THSD7A: variants seen among roughly 807,000 people sequenced by gnomAD.
The protein encoded by THSD7A is thrombospondin type 1 domain containing 7A.
THSD7A carries 96 observed loss-of-function variants against 231.3 expected under a neutral mutation model. The ratio of observed to expected loss-of-function variants is 0.41; its 90% confidence interval spans 0.35 to 0.49. The LOEUF is 0.49. Among genes scored for constraint, THSD7A ranks in the 20% least tolerant of loss-of-function variants. The pLI is 0.05. For synonymous variants in THSD7A, 940 were observed against 743.3 expected (o/e 1.26, Z -4.30); for missense variants, 2,290 against 2,070.2 (o/e 1.11, Z -2.06).
At chr7:11,407,668 G>C (rs1583684224) in intron 19 of THSD7A, among the ~76,000 whole-genome samples, 1 of 152,122 alleles carries the variant, frequency 6.6e-6, no homozygotes, top group South Asian at 2.1e-4. Flanking sequence ...TTGTTTAAGT[G>C]TTTTCAATAA....
At chr7:11,579,693 T>C (rs1379874417) in intron 4 of THSD7A, among the ~76,000 whole-genome samples, 2 of 152,168 alleles carry the variant, frequency 1.3e-5, no homozygotes, top group Non-Finnish European at 2.9e-5. Flanking sequence ...TCTAAAGATT[T>C]AGAGCTCAGG....
intron 1 of THSD7A, among the ~76,000 whole-genome samples, chr7:11,800,843 T>A (rs920401257): frequency 1.3e-5 from 2 of 152,170 alleles, no homozygotes; most frequent in African/African-American, 2.4e-5. Flanking sequence ...TGCAGTGTTG[T>A]GCACGTTAAT....
chr7:11,402,882 T>C (rs1783454309), intron 22 of THSD7A, among the ~76,000 whole-genome samples: 1 of 152,022 alleles, frequency 6.6e-6, no homozygotes, highest in East Asian at 1.9e-4. Flanking sequence ...ATGTGGGGAG[T>C]TGTAAATTTT....
intron 13 of THSD7A, among the ~76,000 whole-genome samples, chr7:11,435,292 G>A (rs759899538): frequency 9.2e-5 from 14 of 152,038 alleles, no homozygotes; most frequent in Admixed American, 7.9e-4. Context: ...TAGGTCTCTC[G>A]GCCCTGAAAT....
At chr7:11,495,382 A>G (rs1008104142) in intron 6 of THSD7A, among the ~76,000 whole-genome samples, 10 of 152,066 alleles carry the variant, frequency 6.6e-5, no homozygotes, top group East Asian at 1.9e-4. Flanking sequence ...TATGATGGAT[A>G]AGCAAATAAA....
intron 1 of THSD7A, among the ~76,000 whole-genome samples, chr7:11,705,463 A>G (rs1780734295): frequency 6.6e-6 from 1 of 150,884 alleles, no homozygotes; most frequent in South Asian, 2.1e-4. Context: ...TGGGTGTCAG[A>G]GTGATTCTAG....
chr7:11,627,826 A>G (rs1430976438), intron 2 of THSD7A, among the ~76,000 whole-genome samples: 2 of 152,136 alleles, frequency 1.3e-5, no homozygotes, highest in Admixed American at 6.6e-5. Context: ...ATTTTGAAAT[A>G]AATATAAATA....
rs1003276038 is a variant in THSD7A, at chr7:11,814,845, A to G, written c.190+16912T>C. Among the ~76,000 whole-genome samples, 1 of 152,118 alleles carries G rather than the reference A, an allele frequency of 6.6e-6. No homozygotes were observed. Among genetic ancestry groups the G allele is most frequent in the Non-Finnish European group, 1.5e-5 (1 of 68,018 alleles). ...GCAAACTCTCAAAAGAAGCTGTTTGATAAGAGTGATTGGATCTTCTGATCT... is the reference window on the plus strand; with the variant it reads ...GCAAACTCTCAAAAGAAGCTGTTTGGTAAGAGTGATTGGATCTTCTGATCT... On this transcript the variant is annotated intron_variant, in intron 1 of 27. Coordinates refer to ENST00000423059, the MANE Select transcript of THSD7A (RefSeq NM_015204.3). This position sits in a 1 kb window ranked among gnomAD's most constrained non-coding sequence, Gnocchi z 5.1.
intron 6 of THSD7A, among the ~76,000 whole-genome samples, chr7:11,540,804 G>T (rs902202699): frequency 2.6e-5 from 4 of 152,142 alleles, no homozygotes; most frequent in African/African-American, 9.7e-5. Flanking sequence ...AAAGTCCAAG[G>T]TAATTCCTGA....
chr7:11,702,242 G>C (rs1780627470), intron 1 of THSD7A, among the ~76,000 whole-genome samples: 1 of 151,118 alleles, frequency 6.6e-6, no homozygotes, highest in Admixed American at 6.6e-5. Flanking sequence ...CTCTGCTCAG[G>C]GTGTCACAGG....
chr7:11,659,402 G>T (rs1397145144), intron 1 of THSD7A, among the ~76,000 whole-genome samples: 1 of 151,416 alleles, frequency 6.6e-6, no homozygotes, highest in African/African-American at 2.4e-5. Context: ...AATCTTGTTA[G>T]CATGACCTAT....
Position 11,462,119 on chromosome 7 carries a change from G to T in THSD7A, c.2393C>A (p.Ser798Tyr). ...CAGCTGAATGATGACCCGATGCCTA[G>T]ACTGCTTCCTGATACTGGAGTCCCC... ...KEGDSSIRKQ[S>Y]RHRVIIQLPA... The change falls in exon 10 of 28, where the codon TCT becomes TAT. Residue 798 changes from serine to tyrosine, a missense_variant. Transcript: ENST00000423059. 1 of 1,613,734 alleles carries T rather than the reference G, an allele frequency of 6.2e-7. No homozygotes were observed. The highest frequency in any genetic ancestry group is 1.1e-5 in the South Asian group (1 of 91,072).
chr7:11,574,315 T>C (rs1427814225), intron 4 of THSD7A, among the ~76,000 whole-genome samples: 2 of 152,234 alleles, frequency 1.3e-5, no homozygotes, highest in East Asian at 3.8e-4. Flanking sequence ...GTGTTTGTGC[T>C]GTTCATTTCT....
Position 11,407,443 on chromosome 7 carries a change from T to C in THSD7A, c.3799-20A>G. 6.3e-7 allele frequency: 1 copy of C among 1,579,248 alleles called. No homozygotes were observed. The highest frequency in any genetic ancestry group is 8.7e-7 in the Non-Finnish European group (1 of 1,152,774). ...GCCAAGCTGGAAGAACAGAGGTAGATCAGGATGTATATTGTAAATTGGGGG... is the reference window on the plus strand; with the variant it reads ...GCCAAGCTGGAAGAACAGAGGTAGACCAGGATGTATATTGTAAATTGGGGG... On this transcript the variant is annotated intron_variant, in intron 19 of 27. Transcript: ENST00000423059.
rs376115879 is a variant in THSD7A, at chr7:11,789,661, T to C, written c.190+42096A>G. Among the ~76,000 whole-genome samples, 74 of 152,158 alleles carry C rather than the reference T, an allele frequency of 4.9e-4. 1 individual carries two copies. In the South Asian group the frequency reaches 0.015, roughly 30 times the overall value. On this transcript the variant is annotated intron_variant, in intron 1 of 27. Transcript: ENST00000423059. ...TATATTGTTAACTATAGACATGTTA[T>C]ATAGCAGATCTATAGAACTTACTCA...
rs909856171 is a variant in THSD7A, at chr7:11,758,562, G to A, written c.190+73195C>T. Among the ~76,000 whole-genome samples the A allele has an allele frequency of 2.6e-5, 4 of 151,982 alleles. No individual in the cohort carries two copies. In the South Asian group the frequency reaches 8.3e-4, roughly 31 times the overall value. ...AAACCCCAAAGCAGCTCAAAATGGG[G>A]AGTAAAATTAAGGACTTCTATAGGA... On this transcript the variant is annotated intron_variant, in intron 1 of 27. Transcript: ENST00000423059.
At chr7:11,427,147 G>A (rs1199872880) in intron 14 of THSD7A, among the ~76,000 whole-genome samples, 1 of 152,118 alleles carries the variant, frequency 6.6e-6, no homozygotes, top group Non-Finnish European at 1.5e-5. Flanking sequence ...TAGAAACTCA[G>A]AGACTGTTTT....
At chr7:11,478,041 G>C (rs1786266828) in intron 7 of THSD7A, among the ~76,000 whole-genome samples, 1 of 151,748 alleles carries the variant, frequency 6.6e-6, no homozygotes, top group Non-Finnish European at 1.5e-5. Context: ...TAACATATTT[G>C]CAACTCTCTT....
intron 1 of THSD7A, among the ~76,000 whole-genome samples, chr7:11,645,466 G>T (rs1782243321): frequency 6.6e-6 from 1 of 151,766 alleles, no homozygotes; most frequent in South Asian, 2.1e-4. Context: ...AAGTACACAT[G>T]TATTAAAAGT....
Sources: allele counts gnomAD v4.1 joint callset (sites outside exome capture counted in the v4.1 genomes callset), GRCh38; gene constraint gnomAD v4.1.1; non-coding constraint Gnocchi (gnomAD v3.1); transcripts MANE v1.5; gene names NCBI Gene and HGNC (gene_info 2026-07-23, HGNC 2026-07-21).